Variants in TSHZ2 observed in about 807,000 individuals in gnomAD.
TSHZ2 encodes teashirt zinc finger homeobox 2.
A neutral mutation model predicts 74.4 loss-of-function variants in TSHZ2; 21 were observed. The observed-to-expected ratio is 0.28, with a 90% CI of 0.20 to 0.41. The LOEUF (loss-of-function observed/expected upper bound fraction) is 0.41, where lower values mean the gene tolerates loss of function less well. TSHZ2 is among the 10% of genes least tolerant of loss of function. The probability of loss-of-function intolerance (pLI) is 1.00; values close to 1 mark genes in which losing one functional copy is unlikely to be tolerated. For missense variants in TSHZ2, 1,244 were observed against 1,293.5 expected (o/e 0.96, Z 0.59); for synonymous variants, 540 against 515.3 (o/e 1.05, Z -0.65).
chr20:53,340,150 T>C (rs1336296461), intron 2 of TSHZ2, among the ~76,000 whole-genome samples: 1 of 150,404 alleles, frequency 6.6e-6, no homozygotes, highest in African/African-American at 2.4e-5. Flanking sequence ...GCAGGAATGC[T>C]AGGATAAAAC....
intron 1 of TSHZ2, among the ~76,000 whole-genome samples, chr20:53,038,224 A>G (rs866790142): frequency 0.013 from 1,550 of 118,392 alleles, 68 homozygotes; most frequent in African/African-American, 0.057. Context: ...AAAAAAAAAA[A>G]AAAAAAAAAG....
chr20:52,977,815 C>T (rs1284606009), intron 1 of TSHZ2, among the ~76,000 whole-genome samples: 11 of 152,178 alleles, frequency 7.2e-5, no homozygotes, highest in Non-Finnish European at 1.2e-4. Context: ...TTAGTGGAAA[C>T]TCTGTAAGGG....
In TSHZ2 at chr20:53,298,953, C is replaced by G. The variant is rs532830512; in HGVS notation, c.*8+42382C>G. 1.3e-4 allele frequency among the ~76,000 whole-genome samples: 20 copies of G among 152,288 alleles called. 1 individual carries two copies. Among genetic ancestry groups the G allele is most frequent in the Middle Eastern group, 3.4e-3 (1 of 294 alleles). ...TCTGTGAAGGTGTGAGCCTCTGTCCCAAAAGGGCTTGTGGGAGTTGTTTTG... is the reference window on the plus strand; with the variant it reads ...TCTGTGAAGGTGTGAGCCTCTGTCCGAAAAGGGCTTGTGGGAGTTGTTTTG... On this transcript the variant is annotated intron_variant, in intron 2 of 2. Transcript: ENST00000371497.
At chr20:53,092,950 T>A (rs772578277) in intron 1 of TSHZ2, among the ~76,000 whole-genome samples, 2 of 152,176 alleles carry the variant, frequency 1.3e-5, no homozygotes, top group Non-Finnish European at 2.9e-5. Context: ...GCCAGGATTG[T>A]TTCCCAATAA....
At chr20:53,054,057 A>G (rs144948751) in intron 1 of TSHZ2, among the ~76,000 whole-genome samples, 261 of 152,318 alleles carry the variant, frequency 1.7e-3, no homozygotes, top group Non-Finnish European at 2.5e-3. Flanking sequence ...TTGCTCTGGA[A>G]TTGAAAAGAC....
rs184545464 is a variant in TSHZ2, at chr20:53,180,664, G to C, written c.41-72835G>C. Among the ~76,000 whole-genome samples the C allele has an allele frequency of 4.6e-5, 7 of 152,056 alleles. No homozygotes were observed. In the South Asian group the frequency reaches 1.5e-3, roughly 32 times the overall value. ...ACACTGCTGAAATGTATTTGATTAGGAGCACACCATTCGGGTGATAGGTAC... is the reference window on the plus strand; with the variant it reads ...ACACTGCTGAAATGTATTTGATTAGCAGCACACCATTCGGGTGATAGGTAC... On this transcript the variant is annotated intron_variant, in intron 1 of 2. Coordinates refer to ENST00000371497, the MANE Select transcript of TSHZ2 (RefSeq NM_173485.6).
At chr20:53,455,374 A>T (rs1312435532) in intron 2 of TSHZ2, 11 of 152,160 alleles carry the variant, frequency 7.2e-5, no homozygotes, top group African/African-American at 1.7e-4. Flanking sequence ...CTCTGTATCA[A>T]AGCGGTACCC....
chr20:53,168,402 T>C (rs1485997801), intron 1 of TSHZ2, among the ~76,000 whole-genome samples: 1 of 152,212 alleles, frequency 6.6e-6, no homozygotes, highest in East Asian at 1.9e-4. Context: ...GAATGGAATG[T>C]GTTCTTAGTT....
intron 1 of TSHZ2, among the ~76,000 whole-genome samples, chr20:53,125,794 G>A (rs1172612393): frequency 6.6e-6 from 1 of 151,922 alleles, no homozygotes; most frequent in East Asian, 1.9e-4. Flanking sequence ...TAACACATTA[G>A]ATAACCAAAT....
At chr20:53,168,283 G>GCT (rs1190807418) in intron 1 of TSHZ2, among the ~76,000 whole-genome samples, 1 of 152,154 alleles carries the variant, frequency 6.6e-6, no homozygotes, top group African/African-American at 2.4e-5. Context: ...CTCACCCCAG[G>GCT]CTGTGACAGA....
intron 2 of TSHZ2, among the ~76,000 whole-genome samples, chr20:53,452,698 A>T (rs1283565965): frequency 6.6e-6 from 1 of 152,166 alleles, no homozygotes; most frequent in Non-Finnish European, 1.5e-5. Context: ...TTATATATCA[A>T]CACGTACCCC....
At chr20:52,980,031 C>G (rs1228888902) in intron 1 of TSHZ2, among the ~76,000 whole-genome samples, 1 of 152,202 alleles carries the variant, frequency 6.6e-6, no homozygotes. Context: ...GCTACCCCAG[C>G]CTGAAGCAGG....
At position 53,442,594 on chromosome 20, in the gene TSHZ2, A is replaced by AC. The variant is rs534693606; in HGVS notation, c.*9-44544dup. ...CGTAATGATAGTCATCTGTCTGCGA[A>AC]CCCCCCATCACTCTGAGAGATCGCT... On this transcript the variant is annotated intron_variant, in intron 2 of 2. Transcript: ENST00000371497. Among the ~76,000 whole-genome samples, 362 of 151,508 alleles carry AC rather than the reference A, an allele frequency of 2.4e-3. 2 individuals are homozygous for AC. Among genetic ancestry groups the AC allele is most frequent in the African/African-American group, 8.3e-3 (341 of 41,250 alleles).
At chr20:53,281,239 T>C (rs1991055198) in intron 2 of TSHZ2, among the ~76,000 whole-genome samples, 1 of 152,144 alleles carries the variant, frequency 6.6e-6, no homozygotes, top group South Asian at 2.1e-4. Flanking sequence ...GAAACTGACA[T>C]TTTTGCTGAG....
Position 53,489,369 on chromosome 20 carries a change from G to T in TSHZ2, c.*2234G>T, listed in dbSNP as rs556400498. On this transcript the variant is annotated 3_prime_UTR_variant, in exon 3 of 3. Coordinates refer to ENST00000371497, the MANE Select transcript of TSHZ2 (RefSeq NM_173485.6). ...ATTGAAGGGTGGACTGGACTCTACT[G>T]AGCACCGTCCTTCAACAAGGAAATT... 1 of 351,078 alleles carries T rather than the reference G, an allele frequency of 2.8e-6. No individual in the cohort carries two copies. Among genetic ancestry groups the T allele is most frequent in the East Asian group, 7.4e-5 (1 of 13,466 alleles). The allele number at this position is 351,078 out of a possible 1,614,324, so 21.7% of individuals were successfully genotyped here.
intron 1 of TSHZ2, among the ~76,000 whole-genome samples, chr20:53,116,739 A>C (rs780218283): frequency 1.3e-5 from 2 of 152,152 alleles, no homozygotes; most frequent in African/African-American, 2.4e-5. Flanking sequence ...CTGGCCTCCC[A>C]AATGTTTGTT....
At chr20:53,189,037 C>T (rs1302391293) in intron 1 of TSHZ2, among the ~76,000 whole-genome samples, 3 of 152,130 alleles carry the variant, frequency 2.0e-5, no homozygotes, top group African/African-American at 7.2e-5. Context: ...TTTCCTCATG[C>T]CATTTCTAAT....
intron 1 of TSHZ2, among the ~76,000 whole-genome samples, chr20:53,158,229 G>A (rs1237860159): frequency 6.6e-6 from 1 of 152,156 alleles, no homozygotes; most frequent in Non-Finnish European, 1.5e-5. Context: ...AAGTGGAAGA[G>A]GCCACCAGGG....
At chr20:53,181,904 C>G (rs1292040131) in intron 1 of TSHZ2, among the ~76,000 whole-genome samples, 10 of 152,230 alleles carry the variant, frequency 6.6e-5, no homozygotes, top group Admixed American at 5.2e-4. Flanking sequence ...ACCAGAAAGA[C>G]TGAATTTAGC....
Sources: allele counts gnomAD v4.1 joint callset (sites outside exome capture counted in the v4.1 genomes callset), GRCh38; gene constraint gnomAD v4.1.1; transcripts MANE v1.5; gene names NCBI Gene and HGNC (gene_info 2026-07-23, HGNC 2026-07-21).